The following JAZF1 variants were observed in gnomAD, a reference collection of about 807,000 sequenced individuals.
The protein encoded by JAZF1 is JAZF zinc finger 1.
JAZF1 carries 8 observed loss-of-function variants against 26.4 expected under a neutral mutation model. The ratio of observed to expected loss-of-function variants is 0.30; its 90% CI spans 0.18 to 0.55. The LOEUF is 0.55. Among genes scored for constraint, JAZF1 ranks in the 20% least tolerant of loss-of-function variants. JAZF1 has a pLI of 0.94. For synonymous variants in JAZF1, 126 were observed against 122.3 expected, an observed-to-expected ratio of 1.03 and a Z score of -0.20; for missense variants, 199 against 322.0, an observed-to-expected ratio of 0.62 and a Z score of 2.92.
intron 1 of JAZF1, among the ~76,000 whole-genome samples, chr7:28,153,379 GA>G (rs1484175556): frequency 6.6e-6 from 1 of 151,912 alleles, no homozygotes; most frequent in African/African-American, 2.4e-5. Flanking sequence ...TCTATATTTA[GA>G]ATATGATTAT....
intron 1 of JAZF1, among the ~76,000 whole-genome samples, chr7:28,099,990 A>G (rs1483928055): frequency 6.6e-6 from 1 of 152,198 alleles, no homozygotes; most frequent in East Asian, 1.9e-4. Flanking sequence ...GTTCTTTTTA[A>G]TGGTCCTGAT....
At chr7:27,981,884 C>G (rs369861781) in intron 2 of JAZF1, among the ~76,000 whole-genome samples, 4 of 152,328 alleles carry the variant, frequency 2.6e-5, no homozygotes, top group Admixed American at 1.3e-4. Context: ...TTCAAGTTCT[C>G]TGGTGGTTTT....
chr7:27,978,926 G>C (rs1165966447), intron 2 of JAZF1, among the ~76,000 whole-genome samples: 1 of 151,704 alleles, frequency 6.6e-6, no homozygotes, highest in African/African-American at 2.4e-5. Flanking sequence ...GAGAGGGGGA[G>C]AGAGAGAGGG....
At chr7:28,043,801 TA>T (rs886631164) in intron 1 of JAZF1, among the ~76,000 whole-genome samples, 25 of 145,862 alleles carry the variant, frequency 1.7e-4, no homozygotes, top group South Asian at 4.3e-4. Context: ...TATTCAGCCA[TA>T]AAAAAAAAAG....
intron 2 of JAZF1, among the ~76,000 whole-genome samples, chr7:27,951,821 G>A (rs932849146): frequency 2.0e-5 from 3 of 152,154 alleles, no homozygotes; most frequent in African/African-American, 7.2e-5. Flanking sequence ...AAAGACGGCG[G>A]GTTCATAAGC....
rs78969618 is a variant in JAZF1 at position 28,017,706 on chromosome 7, G to A, written c.116-25725C>T. Among the ~76,000 whole-genome samples, 642 of 152,276 alleles carry A rather than the reference G, an allele frequency of 4.2e-3. 6 individuals carry two copies. Among genetic ancestry groups the A allele is most frequent in the African/African-American group, 0.015 (624 of 41,560 alleles). ...GGCTCACCAGTGAAATCCTGCCCTC[G>A]TGATGTGTACATTTTGGTGAAAAAG... On this transcript the variant is annotated intron_variant, in intron 1 of 4. Coordinates refer to ENST00000283928, the MANE Select transcript of JAZF1 (RefSeq NM_175061.4).
chr7:27,919,899 A>C (rs1262517992), intron 2 of JAZF1, among the ~76,000 whole-genome samples: 2 of 152,234 alleles, frequency 1.3e-5, no homozygotes, highest in African/African-American at 4.8e-5. Flanking sequence ...ACAACTTTAC[A>C]ATCAACAACT....
chr7:27,847,178 C>A (rs1257956506), intron 3 of JAZF1, among the ~76,000 whole-genome samples: 1 of 145,310 alleles, frequency 6.9e-6, no homozygotes. Context: ...TTAGTAGAGA[C>A]GGGGTTTCTC....
Position 28,166,131 on chromosome 7 carries a change from A to T in JAZF1, c.115+14332T>A, listed in dbSNP as rs531323641. Among the ~76,000 whole-genome samples the T allele has an allele frequency of 1.8e-3, 277 of 150,066 alleles. 1 individual carries two copies. The highest frequency in any genetic ancestry group is 5.9e-3 in the African/African-American group (240 of 40,958). ...TTGGTTACATATATATATATATAAA[A>T]AAAGTTGGAAACCACTTTCTTACTC... On this transcript the variant is annotated intron_variant, in intron 1 of 4. Transcript: ENST00000283928.
chr7:27,877,310 A>G lies in JAZF1; in HGVS notation c.385+17910T>C, dbSNP rs553789097. The stretch of plus-strand genomic sequence containing the variant: ...GAAATACCAAACTTTTTTTTGTTGT[A>G]TATTTTCTACATAAAACATTTTCAG... On this transcript the variant is annotated intron_variant, in intron 3 of 4. Coordinates refer to ENST00000283928, the MANE Select transcript of JAZF1 (RefSeq NM_175061.4). Among the ~76,000 whole-genome samples the G allele has an allele frequency of 1.7e-4, 26 of 152,300 alleles. No homozygotes were observed. The South Asian group carries it at 3.5e-3, about 21-fold the overall frequency.
chr7:27,927,249 G>A (rs1256581440), intron 2 of JAZF1, among the ~76,000 whole-genome samples: 1 of 152,140 alleles, frequency 6.6e-6, no homozygotes, highest in African/African-American at 2.4e-5. Context: ...AGTCCCCTGT[G>A]GAGCCCCCAT....
chr7:27,866,298 C>T (rs1317408284), intron 3 of JAZF1, among the ~76,000 whole-genome samples: 2 of 152,216 alleles, frequency 1.3e-5, no homozygotes, highest in Non-Finnish European at 1.5e-5. Context: ...GCACACAGAA[C>T]GGCTTCATCC....
At chr7:27,996,734 CT>C (rs1356903090) in intron 1 of JAZF1, among the ~76,000 whole-genome samples, 2 of 152,178 alleles carry the variant, frequency 1.3e-5, no homozygotes, top group Non-Finnish European at 2.9e-5. Flanking sequence ...AATTATGCCC[CT>C]GGAGGGGTGT....
chr7:28,011,967 C>A (rs1242336975), intron 1 of JAZF1, among the ~76,000 whole-genome samples: 2 of 152,164 alleles, frequency 1.3e-5, no homozygotes, highest in Non-Finnish European at 2.9e-5. Flanking sequence ...AAAAAAACTT[C>A]CATGTTTTCA....
intron 3 of JAZF1, among the ~76,000 whole-genome samples, chr7:27,856,577 TC>T (rs1459706142): frequency 1.3e-5 from 2 of 152,224 alleles, no homozygotes; most frequent in African/African-American, 2.4e-5. Flanking sequence ...AGCTGATTGG[TC>T]CATTTTGACA....
intron 1 of JAZF1, among the ~76,000 whole-genome samples, chr7:28,126,836 G>A (rs740123): frequency 6.6e-6 from 1 of 152,020 alleles, no homozygotes; most frequent in Admixed American, 6.5e-5. Flanking sequence ...AGGAAGAGAA[G>A]AGTGAGTCCA....
In JAZF1 at chr7:27,928,466, C is replaced by T. The variant is rs190361709; in HGVS notation, c.189-33050G>A. Reference sequence around the variant, plus strand: ...ATGTCGCAGTCAATCTTAGATTTGCCTTCTAACAAAGAAGAAAACACAATT... The same window carrying T: ...ATGTCGCAGTCAATCTTAGATTTGCTTTCTAACAAAGAAGAAAACACAATT... On this transcript the variant is annotated intron_variant, in intron 2 of 4. Transcript: ENST00000283928. Among the ~76,000 whole-genome samples the T allele has an allele frequency of 2.6e-3, 395 of 152,326 alleles. 1 individual carries two copies. Among genetic ancestry groups the T allele is most frequent in the African/African-American group, 9.0e-3 (376 of 41,572 alleles).
intron 1 of JAZF1, among the ~76,000 whole-genome samples, chr7:28,123,966 C>A (rs887279680): frequency 6.6e-6 from 1 of 152,138 alleles, no homozygotes. Context: ...TGAGAAAGAA[C>A]AAAACTGAGT....
At chr7:27,921,641 A>G (rs946845238) in intron 2 of JAZF1, among the ~76,000 whole-genome samples, 5 of 152,144 alleles carry the variant, frequency 3.3e-5, no homozygotes, top group Non-Finnish European at 4.4e-5. Flanking sequence ...GTAACTTCAT[A>G]ATGGGTTGCA....
Sources: gnomAD v4.1 joint callset for allele counts (sites outside exome capture counted in the v4.1 genomes callset) on GRCh38, gnomAD v4.1.1 for gene constraint, MANE v1.5 for transcripts, NCBI Gene and HGNC (gene_info 2026-07-23, HGNC 2026-07-21) for gene names.